The following TOR3A variants were observed in gnomAD, a reference collection of about 807,000 sequenced individuals.
TOR3A encodes torsin family 3 member A, also known as torsin-3A.
A neutral mutation model predicts 42.1 loss-of-function variants in TOR3A; 44 were observed. The ratio of observed to expected loss-of-function variants is 1.04; its 90% CI spans 0.82 to 1.34. The LOEUF (loss-of-function observed/expected upper bound fraction) is 1.34, where lower values mean the gene tolerates loss of function less well. Among genes scored for constraint, TOR3A ranks in the 40% most tolerant of loss-of-function variants. The pLI is 0.00. For synonymous variants in TOR3A, 227 were observed against 213.2 expected (o/e 1.06, Z -0.57); for missense variants, 521 against 507.6 (o/e 1.03, Z -0.25).
chr1:179,085,745 C>T lies in TOR3A; in HGVS notation c.491C>T (p.Ser164Leu), dbSNP rs773957074. 1.3e-5 allele frequency: 21 copies of T among 1,614,070 alleles called. No homozygotes were observed. The highest frequency in any genetic ancestry group is 1.7e-5 in the Admixed American group (1 of 60,006). ...CAGCCAGAAAAGGCCCTTGCTCTGT[C>T]GTTCCACGGCTGGTCTGGCACAGGC... ...TPQPEKALAL[S>L]FHGWSGTGKN... The change falls in exon 3 of 6, where the codon TCG becomes TTG. Residue 164 changes from serine (S) to leucine (L), a missense_variant. By Grantham distance (145) the Ser-to-Leu change is moderately radical (BLOSUM62 -2). Transcript: ENST00000367627.
In TOR3A at chr1:179,095,548, A is replaced by C. The variant is rs926697953; in HGVS notation, c.*330A>C. The C allele has an allele frequency of 5.1e-6, 6 of 1,175,398 alleles. No individual in the cohort carries two copies. The African/African-American group carries it at 8.0e-5, about 16-fold the overall frequency. 72.8% of individuals were successfully genotyped at this position (1,175,398 alleles called of 1,614,324 possible). Reference sequence around the variant, plus strand: ...TGAAGAAAGTGGGCCAGGTGGTTGAAGAAAGCCATGTGGGAGCTCAGCAAA... The same window carrying C: ...TGAAGAAAGTGGGCCAGGTGGTTGACGAAAGCCATGTGGGAGCTCAGCAAA... On this transcript the variant is annotated 3_prime_UTR_variant, in exon 6 of 6. Coordinates refer to ENST00000367627, the MANE Select transcript of TOR3A (RefSeq NM_022371.4).
At position 179,087,973 on chromosome 1, in the gene TOR3A, C is replaced by T. The variant is rs202068305; in HGVS notation, c.702C>T (p.Phe234=). 4 of 1,612,788 alleles carry T rather than the reference C, an allele frequency of 2.5e-6. No individual in the cohort carries two copies. The highest frequency in any genetic ancestry group is 3.4e-5 in the Admixed American group (2 of 59,698). ...QQLCHQTLFI[F]DEAEKLHPGL... ...TCTGCCACCAGACCCTGTTCATCTT[C>T]GATGAAGCGGAGAAGCTGCACCCAG... The change falls in exon 4 of 6, where the codon TTC becomes TTT. Residue 234 remains phenylalanine (F), a synonymous_variant. Coordinates refer to ENST00000367627, the MANE Select transcript of TOR3A (RefSeq NM_022371.4).
Position 179,095,903 on chromosome 1 carries a change from G to C in TOR3A, c.*685G>C. The C allele has an allele frequency of 2.4e-5, 24 of 985,040 alleles. 1 individual carries two copies. The highest frequency in any genetic ancestry group is 2.9e-5 in the Non-Finnish European group (24 of 829,950). 61.0% of individuals were successfully genotyped at this position (985,040 alleles called of 1,614,324 possible). On this transcript the variant is annotated 3_prime_UTR_variant, in exon 6 of 6. Coordinates refer to ENST00000367627, the MANE Select transcript of TOR3A (RefSeq NM_022371.4). ...AGACTTATGGTCTACAGATTTTGGC[G>C]GGGGAGGGGGGACCTTTTCAAAGAC...
intron 4 of TOR3A, among the ~76,000 whole-genome samples, chr1:179,088,710 G>A (rs1286855557): frequency 6.6e-6 from 1 of 152,212 alleles, no homozygotes; most frequent in African/African-American, 2.4e-5. Flanking sequence ...GCGGGACCCA[G>A]TCACTGAATC....
rs184988243 is a variant in TOR3A at position 179,095,097 on chromosome 1, A to G, written c.1073A>G (p.Tyr358Cys). 2.5e-6 allele frequency: 4 copies of G among 1,614,230 alleles called. No individual in the cohort carries two copies. The highest frequency in any genetic ancestry group is 2.5e-6 in the Non-Finnish European group (3 of 1,180,046). The change falls in exon 6 of 6, where the codon TAT becomes TGT. Residue 358 changes from tyrosine to cysteine, a missense_variant. Tyr to Cys is a radical substitution (Grantham distance 194). Transcript: ENST00000367627. ...GCCTTCCTGAGCCAGGAGCTCCTGT[A>G]TAAAGAAGAGACACTGGATGAAATA... is the stretch of plus-strand genomic sequence containing the variant. ...RDAFLSQELLYKEETLDEIAQ... is the reference protein window; with the variant it reads ...RDAFLSQELLCKEETLDEIAQ...
chr1:179,087,768 A>T (rs1465345392), intron 3 of TOR3A, 143 bp from the exon 4 acceptor site: 6 of 673,688 alleles, frequency 8.9e-6, no homozygotes, highest in Non-Finnish European at 1.4e-5. Flanking sequence ...AAGAGCTTGG[A>T]TTTGATAGGT....
At position 179,088,073 on chromosome 1, in the gene TOR3A, ATCTT is replaced by A. The variant is rs1370840530; in HGVS notation, c.806_809del (p.Phe269CysfsTer10). The A allele has an allele frequency of 2.5e-6, 4 of 1,592,632 alleles. No individual in the cohort carries two copies. In the African/African-American group the frequency reaches 4.1e-5, roughly 16 times the overall value. The stretch of plus-strand genomic sequence containing the variant: ...CCACAGGGCTGAGTCTCCATGGACT[ATCTT>A]TCTGTTTCTCAGGTGGGTTCTGGGG... On this transcript the variant is annotated frameshift_variant, in exon 4 of 6. Transcript: ENST00000367627. LOFTEE classifies it high-confidence loss of function.
Position 179,095,784 on chromosome 1 carries a change from C to T in TOR3A, c.*566C>T. 1 of 988,876 alleles carries T rather than the reference C, an allele frequency of 1.0e-6. No homozygotes were observed. Among genetic ancestry groups the T allele is most frequent in the Non-Finnish European group, 1.2e-6 (1 of 832,340 alleles). The allele number at this position is 988,876 out of a possible 1,614,324, so 61.3% of individuals were successfully genotyped here. A position where few individuals can be genotyped will look rare whatever the true frequency, so the allele number is the denominator to read the frequency against. On this transcript the variant is annotated 3_prime_UTR_variant, in exon 6 of 6. Coordinates refer to ENST00000367627, the MANE Select transcript of TOR3A (RefSeq NM_022371.4). ...TTGGTACTTCCAGAGGAAAGCCAAG[C>T]TGCTTCTGTTGTGAGCGAATCAGCC...
intron 2 of TOR3A, among the ~76,000 whole-genome samples, chr1:179,084,962 C>T (rs966962314): frequency 6.6e-6 from 1 of 152,232 alleles, no homozygotes; most frequent in Non-Finnish European, 1.5e-5. Flanking sequence ...TCAGGCTTCT[C>T]CATAAAACAG....
At position 179,082,327 on chromosome 1, in the gene TOR3A, A is replaced by G; in HGVS notation, c.199A>G (p.Ser67Gly). 6.2e-7 allele frequency: 1 copy of G among 1,604,794 alleles called. No individual in the cohort carries two copies. Among genetic ancestry groups the G allele is most frequent in the Non-Finnish European group, 8.5e-7 (1 of 1,177,338 alleles). The change falls in exon 1 of 6, where the codon AGC becomes GGC. Residue 67 changes from serine (S) to glycine (G), a missense_variant. Transcript: ENST00000367627. The part of the protein sequence containing the change: ...ALSKRYWTLF[S>G]CQVWPDDCDE... ...CTCCAAGCGGTACTGGACGCTCTTC[A>G]GCTGCCAGGTGTGGCCCGACGACTG...
At position 179,095,752 on chromosome 1, in the gene TOR3A, T is replaced by C. The variant is rs1452145814; in HGVS notation, c.*534T>C. ...ACTCTAGGTTTGCAGGCTGGTGGGC[T>C]TTCAAATTGGTACTTCCAGAGGAAA... On this transcript the variant is annotated 3_prime_UTR_variant, in exon 6 of 6. Transcript: ENST00000367627. The C allele has an allele frequency of 6.1e-6, 6 of 985,900 alleles. No homozygotes were observed. The highest frequency in any genetic ancestry group is 5.5e-5 in the African/African-American group (3 of 54,104). The allele number at this position is 985,900 out of a possible 1,614,324, so 61.1% of individuals were successfully genotyped here. A position where few individuals can be genotyped will look rare whatever the true frequency, so the allele number is the denominator to read the frequency against.
intron 2 of TOR3A, among the ~76,000 whole-genome samples, chr1:179,083,781 A>T (rs1455258159): frequency 1.3e-5 from 2 of 152,164 alleles, no homozygotes; most frequent in African/African-American, 4.8e-5. Context: ...CACTCTCACA[A>T]GGTGATCTTT....
At chr1:179,083,593 G>T (rs928640904) in intron 2 of TOR3A, among the ~76,000 whole-genome samples, 3 of 125,990 alleles carry the variant, frequency 2.4e-5, no homozygotes, top group East Asian at 2.7e-4. Flanking sequence ...GGGGGGGGGG[G>T]GGGGGGCGGG....
chr1:179,085,619 T>C lies in TOR3A; in HGVS notation c.374-9T>C. On this transcript the variant is annotated splice_polypyrimidine_tract_variant and intron_variant, in intron 2 of 5. Transcript: ENST00000367627. ...CCTTTTGCTGTGACTACCTCTTTCC[T>C]GTCCTTAGGCTTAGAGTGGGACCTG... 6.2e-7 allele frequency: 1 copy of C among 1,612,644 alleles called. No individual in the cohort carries two copies. The highest frequency in any genetic ancestry group is 8.5e-7 in the Non-Finnish European group (1 of 1,178,762).
Position 179,082,132 on chromosome 1 carries a change from C to A in TOR3A, c.4C>A (p.Leu2Ile). 2 of 1,497,800 alleles carry A rather than the reference C, an allele frequency of 1.3e-6. No homozygotes were observed. The highest frequency in any genetic ancestry group is 2.7e-5 in the East Asian group (1 of 37,092). 92.8% of individuals were successfully genotyped at this position (1,497,800 alleles called of 1,614,324 possible). A position where few individuals can be genotyped will look rare whatever the true frequency, so the allele number is the denominator to read the frequency against. The change falls in exon 1 of 6, where the codon CTT becomes ATT. Residue 2 changes from leucine (L) to isoleucine (I), a missense_variant. Physicochemically the swap from Leu to Ile is conservative, Grantham distance 5. Transcript: ENST00000367627. ...GTCCCGCAGCTCGGGGCCGGCCATGCTTCGCGGTCCGTGGCGCCAGCTTTG... is the reference window on the plus strand; with the variant it reads ...GTCCCGCAGCTCGGGGCCGGCCATGATTCGCGGTCCGTGGCGCCAGCTTTG... MLRGPWRQLWLF... is the reference protein window; with the variant it reads MIRGPWRQLWLF...
At position 179,082,335 on chromosome 1, in the gene TOR3A, G is replaced by A. The variant is rs774777332; in HGVS notation, c.207G>A (p.Gln69=). 6.2e-7 allele frequency: 1 copy of A among 1,605,722 alleles called. No homozygotes were observed. The highest frequency in any genetic ancestry group is 1.1e-5 in the South Asian group (1 of 90,630). ...SKRYWTLFSC[Q]VWPDDCDEDE... The stretch of plus-strand genomic sequence containing the variant: ...GGTACTGGACGCTCTTCAGCTGCCA[G>A]GTGTGGCCCGACGACTGTGACGAGG... The change falls in exon 1 of 6, where the codon CAG becomes CAA. Residue 69 remains glutamine (Q), a synonymous_variant. Coordinates refer to ENST00000367627, the MANE Select transcript of TOR3A (RefSeq NM_022371.4).
At position 179,095,980 on chromosome 1, in the gene TOR3A, T is replaced by G. The variant is rs952715547; in HGVS notation, c.*762T>G. On this transcript the variant is annotated 3_prime_UTR_variant, in exon 6 of 6. Transcript: ENST00000367627. ...TATGTAAAGATGATAAGATTAAAATTTTTGATTTTCCTAAAATCCTTGGCG... is the reference window on the plus strand; with the variant it reads ...TATGTAAAGATGATAAGATTAAAATGTTTGATTTTCCTAAAATCCTTGGCG... The G allele has an allele frequency of 1.5e-5, 15 of 985,328 alleles. No homozygotes were observed. The Admixed American group carries it at 7.4e-4, about 48-fold the overall frequency. The allele number at this position is 985,328 out of a possible 1,614,324, so 61.0% of individuals were successfully genotyped here. A position where few individuals can be genotyped will look rare whatever the true frequency, so the allele number is the denominator to read the frequency against.
In TOR3A at chr1:179,082,120, G is replaced by A; in HGVS notation, c.-9G>A. On this transcript the variant is annotated 5_prime_UTR_variant, in exon 1 of 6. Coordinates refer to ENST00000367627, the MANE Select transcript of TOR3A (RefSeq NM_022371.4). ...GGCAGCCGGATGGTCCCGCAGCTCG[G>A]GGCCGGCCATGCTTCGCGGTCCGTG... is the stretch of plus-strand genomic sequence containing the variant. 1 of 1,481,416 alleles carries A rather than the reference G, an allele frequency of 6.8e-7. No homozygotes were observed. Among genetic ancestry groups the A allele is most frequent in the Non-Finnish European group, 8.9e-7 (1 of 1,127,316 alleles). The allele number at this position is 1,481,416 out of a possible 1,614,324, so 91.8% of individuals were successfully genotyped here.
Position 179,095,345 on chromosome 1 carries a change from AAC to A in TOR3A, c.*133_*134del, listed in dbSNP as rs371135874. ...GACTGGCATCCAGCAGCCACTAACA[AAC>A]ACACAACTGGTGTGTAAAAGGCAGG... On this transcript the variant is annotated 3_prime_UTR_variant, in exon 6 of 6. Coordinates refer to ENST00000367627, the MANE Select transcript of TOR3A (RefSeq NM_022371.4). The A allele has an allele frequency of 6.4e-4, 976 of 1,526,646 alleles. 9 individuals carry two copies. In the African/African-American group the frequency reaches 0.013, roughly 20 times the overall value. 94.6% of individuals were successfully genotyped at this position (1,526,646 alleles called of 1,614,324 possible). A position where few individuals can be genotyped will look rare whatever the true frequency, so the allele number is the denominator to read the frequency against.
Sources: gnomAD v4.1 joint callset for allele counts (sites outside exome capture counted in the v4.1 genomes callset) on GRCh38, gnomAD v4.1.1 for gene constraint, MANE v1.5 for transcripts, NCBI Gene and HGNC (gene_info 2026-07-23, HGNC 2026-07-21) for gene names.